Variants in LAMA4 observed in about 807,000 individuals in gnomAD.
The protein encoded by LAMA4 is laminin subunit alpha 4, also known as laminin subunit alpha-4.
Under a neutral mutation model 207.1 loss-of-function variants are expected in LAMA4, and 127 were observed. That is an observed-to-expected ratio of 0.61 (90% CI 0.53 to 0.71). The LOEUF is 0.71. LAMA4 is among the 30% of genes least tolerant of loss of function. The pLI is 0.00. For missense variants in LAMA4, 2,093 were observed against 2,246.5 expected, an observed-to-expected ratio of 0.93 and a Z score of 1.38; for synonymous variants, 761 against 816.0, an observed-to-expected ratio of 0.93 and a Z score of 1.15.
chr6:112,219,050 T>A (rs1554359662), intron 2 of LAMA4: 2 of 152,252 alleles, frequency 1.3e-5, no homozygotes. Flanking sequence ...TACTGAAGGA[T>A]GAGCTGTTAA....
chr6:112,151,568 T>A (rs1554335772), intron 16 of LAMA4, among the ~76,000 whole-genome samples: 1 of 152,132 alleles, frequency 6.6e-6, no homozygotes, highest in Admixed American at 6.5e-5. Context: ...TTTATTTAGA[T>A]CTTTATGCGT....
chr6:112,160,697 T>C (rs1316910028), intron 13 of LAMA4, among the ~76,000 whole-genome samples: 1 of 152,172 alleles, frequency 6.6e-6, no homozygotes, highest in Non-Finnish European at 1.5e-5. Context: ...GACTATGCTA[T>C]CTCCTGGGTC....
chr6:112,205,765 C>T (rs925069355), intron 4 of LAMA4, among the ~76,000 whole-genome samples: 2 of 152,126 alleles, frequency 1.3e-5, no homozygotes, highest in African/African-American at 2.4e-5. Flanking sequence ...CACCGAGGAA[C>T]CAAACATGTA....
At chr6:112,174,739 C>T (rs1781922644) in intron 11 of LAMA4, among the ~76,000 whole-genome samples, 1 of 152,254 alleles carries the variant, frequency 6.6e-6, no homozygotes, top group African/African-American at 2.4e-5. Context: ...GATCCACCCA[C>T]CTTGGCCTCC....
At chr6:112,184,890 A>C (rs9481229) in intron 9 of LAMA4, among the ~76,000 whole-genome samples, 4,012 of 152,276 alleles carry the variant, frequency 0.026, 166 homozygotes, top group African/African-American at 0.091. Context: ...CTATATAATA[A>C]ATTTTAATTC....
intron 8 of LAMA4, chr6:112,186,750 T>C (rs1554346760): frequency 2.2e-6 from 1 of 449,288 alleles, no homozygotes; most frequent in South Asian, 1.6e-5. Context: ...AATTGTTGCA[T>C]TATTTTTTAT....
chr6:112,132,516 C>T (rs971967155), intron 28 of LAMA4, among the ~76,000 whole-genome samples: 5 of 152,086 alleles, frequency 3.3e-5, no homozygotes, highest in Admixed American at 2.0e-4. Flanking sequence ...CCACAGACCC[C>T]CCTGAATTCT....
chr6:112,113,600 A>C (rs1288939001), intron 38 of LAMA4, among the ~76,000 whole-genome samples: 1 of 152,192 alleles, frequency 6.6e-6, no homozygotes, highest in Non-Finnish European at 1.5e-5. Flanking sequence ...TCTCTGAGGG[A>C]ATGTCACTAC....
chr6:112,146,481 T>C (rs1554334551), intron 18 of LAMA4, among the ~76,000 whole-genome samples: 1 of 152,236 alleles, frequency 6.6e-6, no homozygotes, highest in East Asian at 1.9e-4. Context: ...CCGAGCCCAC[T>C]GAATCAGCAG....
chr6:112,200,195 C>T, intron 5 of LAMA4: 1 of 529,834 alleles, frequency 1.9e-6, no homozygotes, highest in Non-Finnish European at 3.9e-6. Context: ...ATGAGCAAAG[C>T]CCAGAGCAGT....
intron 3 of LAMA4, among the ~76,000 whole-genome samples, chr6:112,213,266 G>T (rs1272801592): frequency 6.6e-6 from 1 of 152,202 alleles, no homozygotes; most frequent in Non-Finnish European, 1.5e-5. Context: ...AGCTCCTTCT[G>T]GGTTCTATGT....
chr6:112,133,522 T>G lies in LAMA4; in HGVS notation c.3558-35A>C, dbSNP rs1554330624. On this transcript the variant is annotated intron_variant, in intron 26 of 38. Transcript: ENST00000230538. ...AAAGTCAGCCTCACTGATACAGCCA[T>G]GATGATGATGTTACCCTGCATATGT... is the stretch of plus-strand genomic sequence containing the variant. 6.8e-6 allele frequency: 11 copies of G among 1,611,706 alleles called. No homozygotes were observed. The East Asian group carries it at 2.5e-4, about 36-fold the overall frequency.
At chr6:112,186,833 C>T (rs9400521) in intron 8 of LAMA4, 202,813 of 454,288 alleles carry the variant, frequency 0.45, 49,188 homozygotes, top group Admixed American at 0.56. Flanking sequence ...ATATGGAGGG[C>T]CAACTGTATT....
chr6:112,140,931 A>G lies in LAMA4; in HGVS notation c.2814-9T>C. ...TTCCATGTTTTCCCACCCTATTGAG[A>G]TAAATAATTTTCACTTGTTATTATA... On this transcript the variant is annotated splice_polypyrimidine_tract_variant and intron_variant, in intron 21 of 38. Transcript: ENST00000230538. The G allele has an allele frequency of 2.5e-6, 4 of 1,606,768 alleles. No individual in the cohort carries two copies. Among genetic ancestry groups the G allele is most frequent in the Non-Finnish European group, 3.4e-6 (4 of 1,173,364 alleles).
chr6:112,243,215 G>A (rs1786650046), intron 2 of LAMA4, among the ~76,000 whole-genome samples: 1 of 152,114 alleles, frequency 6.6e-6, no homozygotes, highest in Non-Finnish European at 1.5e-5. Flanking sequence ...TCTGTGGCTG[G>A]GTTGGTAACC....
Position 112,154,881 on chromosome 6 carries a change from C to T in LAMA4, c.2026G>A (p.Ala676Thr), listed in dbSNP as rs397516721. 3.1e-6 allele frequency: 5 copies of T among 1,612,888 alleles called. No individual in the cohort carries two copies. In the Admixed American group the frequency reaches 5.0e-5, roughly 16 times the overall value. Residue 676 changes from alanine (A) to threonine (T), a missense_variant, in exon 16 of 39, where the codon GCC (alanine) becomes ACC (threonine). Physicochemically the swap from Ala to Thr is moderately conservative, Grantham distance 58. This residue lies in a region of LAMA4 where 1,704 missense variants were observed against 1,788.4 expected (regional missense o/e 0.95). Transcript: ENST00000230538. ...KDESENLLNQ[A>T]RELQAKAESS... is the part of the protein sequence containing the mutation. The stretch of plus-strand genomic sequence containing the variant: ...TCTGCCTTTGCTTGCAGTTCTCTGG[C>T]TTGATTGAGGAGGTTCTCACTTTCA...
rs113262722 is a variant in LAMA4, at chr6:112,132,154, T to G, written c.3834+599A>C. ...TAGCGACCGCTTCACAAAATAATGTTTTTAAATGTATAAAACAAAACATAT... is the reference window on the plus strand; with the variant it reads ...TAGCGACCGCTTCACAAAATAATGTGTTTAAATGTATAAAACAAAACATAT... On this transcript the variant is annotated intron_variant, in intron 28 of 38. Coordinates refer to ENST00000230538, the MANE Select transcript of LAMA4 (RefSeq NM_001105206.3). 5.3e-3 allele frequency among the ~76,000 whole-genome samples: 801 copies of G among 152,234 alleles called. 9 individuals are homozygous for G. Among genetic ancestry groups the G allele is most frequent in the African/African-American group, 0.019 (774 of 41,564 alleles).
Position 112,118,495 on chromosome 6 carries a change from T to C in LAMA4, c.4822-597A>G, listed in dbSNP as rs1293347198. Among the ~76,000 whole-genome samples, 2 of 152,228 alleles carry C rather than the reference T, an allele frequency of 1.3e-5. No homozygotes were observed. Among genetic ancestry groups the C allele is most frequent in the African/African-American group, 2.4e-5 (1 of 41,464 alleles). On this transcript the variant is annotated intron_variant, in intron 34 of 38. Transcript: ENST00000230538. The surrounding 1 kb of genome is among the most constrained non-coding windows in gnomAD (Gnocchi z 4.6). ...CCATCTTTTTTGCTTCATCTACATA[T>C]ATTAATAGGTCTTAGAAATTATTTT...
Position 112,172,753 on chromosome 6 carries a change from A to G in LAMA4, c.1409T>C (p.Leu470Pro). 6.2e-7 allele frequency: 1 copy of G among 1,614,172 alleles called. No individual in the cohort carries two copies. Among genetic ancestry groups the G allele is most frequent in the Non-Finnish European group, 8.5e-7 (1 of 1,180,016 alleles). Residue 470 changes from leucine to proline, a missense_variant, in exon 12 of 39, where the codon CTG (leucine) becomes CCG (proline). Leu to Pro is a moderately conservative substitution (Grantham distance 98, BLOSUM62 -3). Around this residue, in one of 3 missense-constraint regions of LAMA4, gnomAD observed 1,704 missense variants for 1,788.4 expected, o/e 0.95. Transcript: ENST00000230538. ...WQRLHNETRT[L>P]FPVVLEQLDD... ...CAGCTGCTCCAGGACGACAGGAAAC[A>G]GAGTGCGGGTCTCATTGTGCAGCCG...
Sources: gnomAD v4.1 joint callset for allele counts (sites outside exome capture counted in the v4.1 genomes callset) on GRCh38, gnomAD v4.1.1 for gene constraint, gnomAD v4.1.1 regional missense constraint, Gnocchi (gnomAD v3.1) non-coding constraint, MANE v1.5 for transcripts, NCBI Gene and HGNC (gene_info 2026-07-23, HGNC 2026-07-21) for gene names.